The following SCG5 variants were observed in gnomAD, a reference collection of about 807,000 sequenced individuals.
SCG5 encodes secretogranin V, also known as neuroendocrine protein 7B2.
SCG5 carries 18 observed loss-of-function variants against 25.7 expected under a neutral mutation model. That is an observed-to-expected ratio of 0.70 (90% CI 0.48 to 1.04). The LOEUF (loss-of-function observed/expected upper bound fraction) is 1.04. Ranked by LOEUF, SCG5 falls within the 50% of genes least tolerant of loss-of-function variation. SCG5 has a pLI of 0.00. For synonymous variants in SCG5, 101 were observed against 91.7 expected, an observed-to-expected ratio of 1.10 and a Z score of -0.58; for missense variants, 206 against 259.8, an observed-to-expected ratio of 0.79 and a Z score of 1.42.
chr15:32,687,119 T>G (rs1311929324), intron 4 of SCG5, among the ~76,000 whole-genome samples: 1 of 152,192 alleles, frequency 6.6e-6, no homozygotes, highest in Non-Finnish European at 1.5e-5. Flanking sequence ...AGGAGCCCAG[T>G]TGGTGGCATG....
chr15:32,688,724 C>T (rs4780033), intron 4 of SCG5, among the ~76,000 whole-genome samples: 38,462 of 151,852 alleles, frequency 0.25, 5,486 homozygotes, highest in Admixed American at 0.33. Context: ...TTTGGGAGGC[C>T]GAGGCAGGCG....
At chr15:32,668,640 T>C (rs74011142) in intron 2 of SCG5, among the ~76,000 whole-genome samples, 2,125 of 152,250 alleles carry the variant, frequency 0.014, 67 homozygotes, top group East Asian at 0.12. Flanking sequence ...CTAACCCTTA[T>C]CCACACCTCC....
At chr15:32,684,305 C>T in intron 3 of SCG5, 1 of 439,436 alleles carries the variant, frequency 2.3e-6, no homozygotes, top group Non-Finnish European at 4.0e-6. Context: ...GGAAATTAGT[C>T]TAGCTGGGTG....
chr15:32,672,931 AAAG>A (rs1323819619), intron 2 of SCG5: 10 of 107,730 alleles, frequency 9.3e-5, no homozygotes, highest in Admixed American at 1.7e-4. Context: ...AAAAAAAAAA[AAAG>A]AGACAGAGTG....
chr15:32,682,448 G>A (rs2054636560), intron 3 of SCG5, among the ~76,000 whole-genome samples: 1 of 152,186 alleles, frequency 6.6e-6, no homozygotes, highest in South Asian at 2.1e-4. Flanking sequence ...AGAGCATACA[G>A]TGTAGTTCTA....
chr15:32,658,166 AGAG>A (rs1411679639), intron 2 of SCG5, among the ~76,000 whole-genome samples: 3 of 152,176 alleles, frequency 2.0e-5, no homozygotes, highest in African/African-American at 7.2e-5. Flanking sequence ...GGAATGGCAA[AGAG>A]GAGTAGCTGG....
At chr15:32,666,737 C>G (rs2054323784) in intron 2 of SCG5, among the ~76,000 whole-genome samples, 1 of 152,188 alleles carries the variant, frequency 6.6e-6, no homozygotes, top group African/African-American at 2.4e-5. Flanking sequence ...CTTACAAGGA[C>G]TATTTTATTT....
At chr15:32,652,127 T>C (rs2054041716) in intron 2 of SCG5, among the ~76,000 whole-genome samples, 1 of 152,154 alleles carries the variant, frequency 6.6e-6, no homozygotes, top group Non-Finnish European at 1.5e-5. Flanking sequence ...GAAGGGGCAG[T>C]GGTTACCACT....
At chr15:32,647,107 T>C (rs934897664) in intron 2 of SCG5, among the ~76,000 whole-genome samples, 50 of 152,240 alleles carry the variant, frequency 3.3e-4, no homozygotes, top group Admixed American at 3.0e-3. Context: ...TTGGGCAAGT[T>C]ACTTAACTCC....
At chr15:32,649,790 A>G (rs1190507449) in intron 2 of SCG5, among the ~76,000 whole-genome samples, 1 of 152,166 alleles carries the variant, frequency 6.6e-6, no homozygotes. Context: ...ATTACATGAA[A>G]AAAAAGAGTG....
chr15:32,654,073 G>A (rs929809280), intron 2 of SCG5, among the ~76,000 whole-genome samples: 6 of 152,208 alleles, frequency 3.9e-5, no homozygotes, highest in Admixed American at 3.9e-4. Flanking sequence ...CAGGCAAGGA[G>A]GGTGAGTATT....
intron 2 of SCG5, among the ~76,000 whole-genome samples, chr15:32,676,692 T>C (rs1226508559): frequency 6.6e-6 from 1 of 152,146 alleles, no homozygotes; most frequent in African/African-American, 2.4e-5. Context: ...ACAGAAAGGT[T>C]AAAAATAAAA....
intron 4 of SCG5, among the ~76,000 whole-genome samples, chr15:32,687,837 G>A (rs116645985): frequency 1.5e-3 from 226 of 152,172 alleles, no homozygotes; most frequent in African/African-American, 4.9e-3. Flanking sequence ...TATGCCTTCC[G>A]GGCCCCGTGT....
intron 4 of SCG5, 140 bp from the exon 5 acceptor site, chr15:32,691,570 A>G: frequency 1.4e-6 from 1 of 704,630 alleles, no homozygotes; most frequent in Non-Finnish European, 2.4e-6. Context: ...CTGACACGAC[A>G]TTCCTTTCAT....
intron 2 of SCG5, among the ~76,000 whole-genome samples, chr15:32,651,003 G>A (rs1321326463): frequency 6.6e-6 from 1 of 152,092 alleles, no homozygotes; most frequent in Non-Finnish European, 1.5e-5. Flanking sequence ...TTCGAGACCA[G>A]CCTGGCTAAC....
intron 5 of SCG5, 22 bp from the exon 6 acceptor site, chr15:32,696,492 T>G (rs543127386): frequency 1.3e-6 from 2 of 1,539,062 alleles, no homozygotes; most frequent in South Asian, 1.1e-5. Context: ...AACCACATGG[T>G]TTTTGTTTGT....
chr15:32,663,138 A>C (rs2054265718), intron 2 of SCG5, among the ~76,000 whole-genome samples: 1 of 148,080 alleles, frequency 6.8e-6, no homozygotes, highest in Non-Finnish European at 1.5e-5. Flanking sequence ...AACATATATA[A>C]TATATGAATG....
At chr15:32,663,389 C>T (rs2054270360) in intron 2 of SCG5, among the ~76,000 whole-genome samples, 1 of 151,972 alleles carries the variant, frequency 6.6e-6, no homozygotes, top group South Asian at 2.1e-4. Context: ...TTTGCCTCTT[C>T]TGGACATTTC....
intron 2 of SCG5, among the ~76,000 whole-genome samples, chr15:32,678,622 T>C (rs192099085): frequency 6.6e-6 from 1 of 152,328 alleles, no homozygotes; most frequent in African/African-American, 2.4e-5. Flanking sequence ...TGGAAAACAG[T>C]TTGGCAATAC....
Sources: gnomAD v4.1 joint callset for allele counts (sites outside exome capture counted in the v4.1 genomes callset) on GRCh38, gnomAD v4.1.1 for gene constraint, MANE v1.5 for transcripts, NCBI Gene and HGNC (gene_info 2026-07-23, HGNC 2026-07-21) for gene names.